SYT8: variants seen among roughly 807,000 people sequenced by gnomAD.
The protein encoded by SYT8 is synaptotagmin 8.
Under a neutral mutation model 34.9 loss-of-function variants are expected in SYT8, and 50 were observed. That is an observed-to-expected ratio of 1.43 (90% CI 1.14 to 1.81). SYT8 has a LOEUF of 1.81. SYT8 is among the 40% of genes most tolerant of loss of function. The pLI is 0.00. For missense variants in SYT8, 595 were observed against 529.0 expected (o/e 1.12, Z -1.22); for synonymous variants, 255 against 234.2 (o/e 1.09, Z -0.81).
Position 1,835,465 on chromosome 11 carries a change from G to C in SYT8, c.258+6G>C, listed in dbSNP as rs1431833727. 2 of 1,608,954 alleles carry C rather than the reference G, an allele frequency of 1.2e-6. No individual in the cohort carries two copies. The highest frequency in any genetic ancestry group is 3.3e-5 in the Admixed American group (2 of 59,940). ...GCACCACCACCACCCACCTGGTGAG[G>C]AGCGGCTCCTTGCTCACTCAGTCCA... On this transcript the variant is annotated splice_donor_region_variant and intron_variant, in intron 2 of 7. Coordinates refer to ENST00000341958, the MANE Select transcript of SYT8 (RefSeq NM_001394072.1).
chr11:1,836,017 C>T, intron 3 of SYT8, 33 bp downstream of exon 3: 1 of 1,590,164 alleles, frequency 6.3e-7, no homozygotes, highest in East Asian at 2.2e-5. Flanking sequence ...ACCAGCGGTT[C>T]TGCGAGTTTC....
intron 4 of SYT8, 48 bp downstream of exon 4, chr11:1,836,332 C>G (rs1365987728): frequency 2.9e-5 from 44 of 1,493,896 alleles, no homozygotes; most frequent in Non-Finnish European, 3.5e-5. Flanking sequence ...CTGGATGGGC[C>G]TGGGCTGGGT....
At position 1,837,034 on chromosome 11, in the gene SYT8, G is replaced by GC; in HGVS notation, c.869dup (p.Ala291GlyfsTer6). On this transcript the variant is annotated frameshift_variant, in exon 7 of 8. Coordinates refer to ENST00000341958, the MANE Select transcript of SYT8 (RefSeq NM_001394072.1). LOFTEE classifies it high-confidence loss of function. ...AAAGACAGCCACCAAAAAGGGCACG[G>GC]CGGCCCCCTACTTCAATGAGGCCTT... 6.2e-7 allele frequency: 1 copy of GC among 1,613,838 alleles called. No individual in the cohort carries two copies. The highest frequency in any genetic ancestry group is 8.5e-7 in the Non-Finnish European group (1 of 1,180,008).
chr11:1,832,929 G>A (rs565702344), upstream of SYT8, among the ~76,000 whole-genome samples: 58 of 152,290 alleles, frequency 3.8e-4, no homozygotes, highest in Non-Finnish European at 6.8e-4. Context: ...GGGGAGGGGC[G>A]CACGCACACG....
upstream of SYT8, among the ~76,000 whole-genome samples, chr11:1,833,127 C>A (rs986851959): frequency 1.3e-5 from 2 of 152,170 alleles, no homozygotes; most frequent in Non-Finnish European, 1.5e-5. Context: ...TGAATCTGGC[C>A]GGCACAGTCC....
Position 1,836,588 on chromosome 11 carries a change from C to T in SYT8, c.680C>T (p.Thr227Ile), listed in dbSNP as rs1388797741. The T allele has an allele frequency of 6.2e-7, 1 of 1,610,900 alleles. No individual in the cohort carries two copies. Among genetic ancestry groups the T allele is most frequent in the South Asian group, 1.1e-5 (1 of 90,900 alleles). ...HWYLLGPPAATQPEQVGELCF... is the reference protein window; with the variant it reads ...HWYLLGPPAAIQPEQVGELCF... ...TACCTGCTGGGCCCGCCGGCTGCCACTCAGGTGAGGTGCTGGTCACCAGGC... is the reference window on the plus strand; with the variant it reads ...TACCTGCTGGGCCCGCCGGCTGCCATTCAGGTGAGGTGCTGGTCACCAGGC... The change falls in exon 5 of 8, where the codon ACT (threonine) becomes ATT (isoleucine). Residue 227 changes from threonine (T) to isoleucine (I), a missense_variant. Coordinates refer to ENST00000341958, the MANE Select transcript of SYT8 (RefSeq NM_001394072.1).
At chr11:1,834,475 C>A, upstream of SYT8, 2 of 1,174,810 alleles carry the variant, frequency 1.7e-6, no homozygotes, top group Non-Finnish European at 2.5e-6. The surrounding 1 kb of genome is among the most constrained non-coding windows in gnomAD (Gnocchi z 4.5). Context: ...TTAGCCCAGG[C>A]CTGCTCAGTG....
upstream of SYT8, chr11:1,834,659 AGATGAGACCCCCAGG>A (rs1846802658): frequency 6.5e-7 from 1 of 1,540,704 alleles, no homozygotes; most frequent in Non-Finnish European, 8.8e-7. This position sits in a 1 kb window ranked among gnomAD's most constrained non-coding sequence, Gnocchi z 4.5. Context: ...GGGACCGCAG[AGATGAGACCCCCAGG>A]GATGAGATGG....
chr11:1,831,887 T>C (rs1253161584), upstream of SYT8: 2 of 412,682 alleles, frequency 4.8e-6, no homozygotes, highest in Admixed American at 2.6e-5. Flanking sequence ...CAGGAAGTGG[T>C]GGGCGTCAGG....
In SYT8 at chr11:1,836,540, T is replaced by A. The variant is rs1264341255; in HGVS notation, c.632T>A (p.Leu211Gln). 2 of 1,612,586 alleles carry A rather than the reference T, an allele frequency of 1.2e-6. No homozygotes were observed. Among genetic ancestry groups the A allele is most frequent in the East Asian group, 4.5e-5 (2 of 44,894 alleles). ...ELRLPLGTVD[L>Q]QHVLEHWYLL... is the part of the protein sequence containing the mutation. ...CGTCTGCCACTGGGCACCGTGGATC[T>A]GCAGCATGTTCTGGAGCACTGGTAC... The change falls in exon 5 of 8, where the codon CTG (leucine) becomes CAG (glutamine). Residue 211 changes from leucine (L) to glutamine (Q), a missense_variant. Leu to Gln is a moderately radical substitution (Grantham distance 113). Transcript: ENST00000341958.
In SYT8 at chr11:1,837,448, T is replaced by G. The variant is rs959677833; in HGVS notation, c.*17T>G. On this transcript the variant is annotated 3_prime_UTR_variant, in exon 8 of 8. Transcript: ENST00000341958. ...CACTCCTGAATGCACCACATGCCTC[T>G]GTCTCCCCGCTGAGCCCAGGCACTT... 1 of 1,603,182 alleles carries G rather than the reference T, an allele frequency of 6.2e-7. No individual in the cohort carries two copies. Among genetic ancestry groups the G allele is most frequent in the Non-Finnish European group, 8.5e-7 (1 of 1,178,564 alleles).
At position 1,837,260 on chromosome 11, in the gene SYT8, G is replaced by T; in HGVS notation, c.993G>T (p.Val331=). The change falls in exon 8 of 8, where the codon GTG becomes GTT. Residue 331 remains valine (V), a synonymous_variant. Transcript: ENST00000341958. The part of the protein sequence containing the change: ...LPLRTEPVGK[V]HLGARASGQP... The stretch of plus-strand genomic sequence containing the variant: ...TCCGAACTGAGCCCGTAGGCAAGGT[G>T]CACCTGGGTGCCCGGGCCTCGGGGC... 1 of 1,584,868 alleles carries T rather than the reference G, an allele frequency of 6.3e-7. No homozygotes were observed. The highest frequency in any genetic ancestry group is 8.6e-7 in the Non-Finnish European group (1 of 1,169,524).
chr11:1,837,282 G>T lies in SYT8; in HGVS notation c.1015G>T (p.Gly339Trp). 1 of 1,587,392 alleles carries T rather than the reference G, an allele frequency of 6.3e-7. No homozygotes were observed. The highest frequency in any genetic ancestry group is 8.5e-7 in the Non-Finnish European group (1 of 1,171,372). The change falls in exon 8 of 8, where the codon GGG becomes TGG. Residue 339 changes from glycine (G) to tryptophan (W), a missense_variant. Transcript: ENST00000341958. ...GKVHLGARASGQPLQHWADML... is the reference protein window; with the variant it reads ...GKVHLGARASWQPLQHWADML... ...GGTGCACCTGGGTGCCCGGGCCTCG[G>T]GGCAGCCCCTGCAGCACTGGGCAGA...
At chr11:1,832,043 T>C (rs1329380545), upstream of SYT8, 10 of 335,364 alleles carry the variant, frequency 3.0e-5, no homozygotes, top group Non-Finnish European at 1.2e-5. Context: ...TTAGCAAGCC[T>C]GAAATGGTGC....
At position 1,836,987 on chromosome 11, in the gene SYT8, A is replaced by G; in HGVS notation, c.821A>G (p.Asn274Ser). 6.2e-7 allele frequency: 1 copy of G among 1,613,736 alleles called. No individual in the cohort carries two copies. The highest frequency in any genetic ancestry group is 8.5e-7 in the Non-Finnish European group (1 of 1,180,006). ...EPYVKVQLML[N>S]QRKWKKRKTA... ...TACGTGAAGGTCCAGCTCATGCTGAACCAGAGGAAGTGGAAGAAGAGAAAG... is the reference window on the plus strand; with the variant it reads ...TACGTGAAGGTCCAGCTCATGCTGAGCCAGAGGAAGTGGAAGAAGAGAAAG... Residue 274 changes from asparagine (N) to serine (S), a missense_variant, in exon 7 of 8, where the codon AAC becomes AGC. Asn to Ser is a conservative substitution (Grantham distance 46). Transcript: ENST00000341958.
chr11:1,835,945 C>CAG lies in SYT8; in HGVS notation c.318_319insAG (p.Leu107SerfsTer19). On this transcript the variant is annotated frameshift_variant, in exon 3 of 8. Coordinates refer to ENST00000341958, the MANE Select transcript of SYT8 (RefSeq NM_001394072.1). LOFTEE classifies it high-confidence loss of function. Reference sequence around the variant, plus strand: ...CGGGGGATGCTCAGCAATGGGGGTGCCTGCAGCTCTCCCTGGAGTTCGACT... The same window carrying CAG: ...CGGGGGATGCTCAGCAATGGGGGTGCAGCTGCAGCTCTCCCTGGAGTTCGACT... 1 of 1,608,192 alleles carries CAG rather than the reference C, an allele frequency of 6.2e-7. No homozygotes were observed. The highest frequency in any genetic ancestry group is 1.3e-5 in the African/African-American group (1 of 74,688).
intron 5 of SYT8, 42 bp downstream of exon 5, chr11:1,836,634 G>T (rs1338450507): frequency 6.2e-7 from 1 of 1,601,860 alleles, no homozygotes; most frequent in Non-Finnish European, 8.5e-7. Context: ...GGCAGAGCTG[G>T]CAGGGACCCT....
intron 2 of SYT8, chr11:1,835,670 G>A (rs1439970532): frequency 3.5e-5 from 26 of 742,830 alleles, no homozygotes; most frequent in Non-Finnish European, 5.7e-5. Context: ...GGGAGCCACA[G>A]CGGGTTCTTG....
At position 1,836,110 on chromosome 11, in the gene SYT8, C is replaced by T. The variant is rs373351040; in HGVS notation, c.358-16C>T. 4,158 of 1,509,484 alleles carry T rather than the reference C, an allele frequency of 2.8e-3. 161 individuals are homozygous for T. In the South Asian group the frequency reaches 0.051, roughly 19 times the overall value. The allele number at this position is 1,509,484 out of a possible 1,614,324, so 93.5% of individuals were successfully genotyped here. A position where few individuals can be genotyped will look rare whatever the true frequency, so the allele number is the denominator to read the frequency against. On this transcript the variant is annotated splice_polypyrimidine_tract_variant and intron_variant, in intron 3 of 7. Transcript: ENST00000341958. ...GGGCAGGGGCCCTTGGCTGAGCCCA[C>T]CCCGCTGGCTCCCAGATCAGGGTGG...
Sources: allele counts gnomAD v4.1 joint callset (sites outside exome capture counted in the v4.1 genomes callset), GRCh38; gene constraint gnomAD v4.1.1; non-coding constraint Gnocchi (gnomAD v3.1); transcripts MANE v1.5; gene names NCBI Gene and HGNC (gene_info 2026-07-23, HGNC 2026-07-21).